Variants in SRL observed in about 807,000 individuals in gnomAD.
SRL encodes the protein sarcalumenin.
A neutral mutation model predicts 39.5 loss-of-function variants in SRL; 23 were observed. That is an observed-to-expected ratio of 0.58 (90% confidence interval 0.42 to 0.82). The LOEUF (loss-of-function observed/expected upper bound fraction) is 0.82, where lower values mean the gene tolerates loss of function less well. Ranked by LOEUF, SRL falls within the 40% of genes least tolerant of loss-of-function variation. The probability of loss-of-function intolerance (pLI) is 0.00; values close to 1 mark genes in which losing one functional copy is unlikely to be tolerated. For missense variants in SRL, 592 were observed against 607.8 expected, an observed-to-expected ratio of 0.97 and a Z score of 0.27; for synonymous variants, 272 against 237.4, an observed-to-expected ratio of 1.15 and a Z score of -1.34.
intron 2 of SRL, among the ~76,000 whole-genome samples, chr16:4,203,494 C>T (rs1189988988): frequency 6.6e-6 from 1 of 152,134 alleles, no homozygotes; most frequent in Non-Finnish European, 1.5e-5. Context: ...CCCAAAGCTT[C>T]CTGAACTGTT....
At chr16:4,195,463 G>A (rs1468423958) in intron 5 of SRL, 90 bp downstream of exon 5, 1 of 1,284,148 alleles carries the variant, frequency 7.8e-7, no homozygotes, top group Non-Finnish European at 1.1e-6. Context: ...CTCCCAAAGA[G>A]TTGGGATCAC....
intron 1 of SRL, among the ~76,000 whole-genome samples, chr16:4,212,015 C>T (rs2052399880): frequency 6.6e-6 from 1 of 152,306 alleles, no homozygotes; most frequent in South Asian, 2.1e-4. Flanking sequence ...GAGAGGGCCA[C>T]ACAGTCCCAA....
In SRL at chr16:4,206,743, G is replaced by GTT. The variant is rs1300273062; in HGVS notation, c.62-2110_62-2109insAA. The GTT allele has an allele frequency of 1.2e-5, 5 of 411,820 alleles. No individual in the cohort carries two copies. The Admixed American group carries it at 1.3e-4, about 10-fold the overall frequency. 25.5% of individuals were successfully genotyped at this position (411,820 alleles called of 1,614,324 possible). On this transcript the variant is annotated intron_variant, in intron 1 of 5. Coordinates refer to ENST00000399609, the MANE Select transcript of SRL (RefSeq NM_001098814.2). The stretch of plus-strand genomic sequence containing the variant: ...AATTCCTACCCTGGGCAACAATGAT[G>GTT]GGACTCTCCCTCCCCCTGATGTCCC...
intron 1 of SRL, chr16:4,239,876 G>A (rs2052754176): frequency 6.6e-6 from 1 of 152,384 alleles, no homozygotes; most frequent in Non-Finnish European, 1.5e-5. Flanking sequence ...GACTCCCAAA[G>A]AGGAGGGCCC....
chr16:4,203,132 AATCTCAAGCCCTACCTGTT>A lies in SRL; in HGVS notation c.259+15_259+33del, dbSNP rs569586360. On this transcript the variant is annotated intron_variant, in intron 3 of 5. Coordinates refer to ENST00000399609, the MANE Select transcript of SRL (RefSeq NM_001098814.2). ...GCCGACAGGCCTGCGCCGTACCCGT[AATCTCAAGCCCTACCTGTT>A]ATCTCAAGCCCTACCTGTGATCTCA... 1,733 of 1,593,774 alleles carry A rather than the reference AATCTCAAGCCCTACCTGTT, an allele frequency of 1.1e-3. 14 individuals are homozygous for A. The African/African-American group carries it at 0.019, about 17-fold the overall frequency.
In SRL at chr16:4,210,281, T is replaced by C. The variant is rs1341836137; in HGVS notation, c.62-5647A>G. ...CCTTCCACCCCTGCAGAAAAATCTA[T>C]GGTGGGAATTTGGTTTAATCAGAAG... is the stretch of plus-strand genomic sequence containing the variant. On this transcript the variant is annotated intron_variant, in intron 1 of 5. Coordinates refer to ENST00000399609, the MANE Select transcript of SRL (RefSeq NM_001098814.2). Among the ~76,000 whole-genome samples, 4 of 152,120 alleles carry C rather than the reference T, an allele frequency of 2.6e-5. No homozygotes were observed. In the East Asian group the frequency reaches 7.7e-4, roughly 29 times the overall value.
intron 1 of SRL, among the ~76,000 whole-genome samples, chr16:4,205,058 C>G (rs1040406314): frequency 1.3e-5 from 2 of 152,126 alleles, no homozygotes; most frequent in Non-Finnish European, 2.9e-5. Context: ...TGCAGTGGCT[C>G]ACACCTGTAA....
At chr16:4,236,919 T>C (rs1257005236) in intron 1 of SRL, among the ~76,000 whole-genome samples, 1 of 151,570 alleles carries the variant, frequency 6.6e-6, no homozygotes, top group African/African-American at 2.4e-5. Context: ...GAATTACAGG[T>C]GTAAGCCACT....
At chr16:4,231,527 G>A (rs369708382) in intron 1 of SRL, among the ~76,000 whole-genome samples, 5 of 152,146 alleles carry the variant, frequency 3.3e-5, no homozygotes, top group East Asian at 3.9e-4. Flanking sequence ...AACCCAGCTC[G>A]AGCCCCCCTT....
At chr16:4,227,554 G>T (rs2052607443) in intron 1 of SRL, among the ~76,000 whole-genome samples, 1 of 152,112 alleles carries the variant, frequency 6.6e-6, no homozygotes, top group South Asian at 2.1e-4. Flanking sequence ...TGGATGGGTG[G>T]ATGGATGGAT....
At chr16:4,206,652 C>T (rs2052322218) in intron 1 of SRL, 1 of 456,274 alleles carries the variant, frequency 2.2e-6, no homozygotes, top group African/African-American at 2.0e-5. Flanking sequence ...CCCTGCCTGT[C>T]CCCTACACAC....
chr16:4,234,483 C>T (rs1406722756), intron 1 of SRL, among the ~76,000 whole-genome samples: 3 of 152,188 alleles, frequency 2.0e-5, no homozygotes, highest in Admixed American at 1.3e-4. Context: ...GGGACCTTGA[C>T]TCCGAGTAAA....
Position 4,204,612 on chromosome 16 carries a change from T to G in SRL, c.84A>C (p.Glu28Asp). The G allele has an allele frequency of 1.9e-6, 3 of 1,614,178 alleles. No individual in the cohort carries two copies. The highest frequency in any genetic ancestry group is 8.5e-7 in the Non-Finnish European group (1 of 1,180,022). ...GQAEETEDAN[E>D]EAPLRDRSHI... Reference sequence around the variant, plus strand: ...GGGAGCGGTCCCTCAATGGGGCTTCTTCATTTGCATCCTCCGTCTCTTCTG... The same window carrying G: ...GGGAGCGGTCCCTCAATGGGGCTTCGTCATTTGCATCCTCCGTCTCTTCTG... The change falls in exon 2 of 6, where the codon GAA becomes GAC. Residue 28 changes from glutamate to aspartate, a missense_variant. Physicochemically the swap from Glu to Asp is conservative, Grantham distance 45. Coordinates refer to ENST00000399609, the MANE Select transcript of SRL (RefSeq NM_001098814.2).
At chr16:4,217,371 C>T (rs1052968865) in intron 1 of SRL, among the ~76,000 whole-genome samples, 7 of 152,198 alleles carry the variant, frequency 4.6e-5, no homozygotes, top group African/African-American at 1.7e-4. Flanking sequence ...CACACTTCAG[C>T]CTCCAGAGTA....
chr16:4,234,919 TC>T (rs1255588657), intron 1 of SRL, among the ~76,000 whole-genome samples: 1 of 152,206 alleles, frequency 6.6e-6, no homozygotes, highest in Admixed American at 6.5e-5. Flanking sequence ...AATGGGAAAT[TC>T]CATCTTAGAG....
At chr16:4,198,074 G>A (rs922695682) in intron 3 of SRL, among the ~76,000 whole-genome samples, 159 bp from the exon 4 acceptor site, 1 of 152,190 alleles carries the variant, frequency 6.6e-6, no homozygotes, top group Non-Finnish European at 1.5e-5. Context: ...CTCTTGCTAC[G>A]TAAGTGTGAT....
At chr16:4,199,727 T>C (rs1276904124) in intron 3 of SRL, among the ~76,000 whole-genome samples, 2 of 146,098 alleles carry the variant, frequency 1.4e-5, no homozygotes, top group African/African-American at 2.6e-5. Flanking sequence ...GACAGAGTCT[T>C]GCTCTGTTCC....
In SRL at chr16:4,192,707, C is replaced by T. The variant is rs369882195; in HGVS notation, c.868G>A (p.Val290Ile). The change falls in exon 6 of 6, where the codon GTC (valine) becomes ATC (isoleucine). Residue 290 changes from valine (V) to isoleucine (I), a missense_variant. Val to Ile is a conservative substitution (Grantham distance 29). Coordinates refer to ENST00000399609, the MANE Select transcript of SRL (RefSeq NM_001098814.2). This position sits in a 1 kb window ranked among gnomAD's most constrained non-coding sequence, Gnocchi z 4.0. Reference sequence around the variant, plus strand: ...TACTCTTGTGGCCAGAAGGAGCTGACGTAAACCCTTGGGGGCTCTGTGACA... The same window carrying T: ...TACTCTTGTGGCCAGAAGGAGCTGATGTAAACCCTTGGGGGCTCTGTGACA... ...INVTEPPRVY[V>I]SSFWPQEYKP... The T allele has an allele frequency of 9.3e-6, 15 of 1,614,006 alleles. No homozygotes were observed. Among genetic ancestry groups the T allele is most frequent in the African/African-American group, 2.7e-5 (2 of 74,902 alleles).
At chr16:4,233,894 G>A (rs2052685578) in intron 1 of SRL, among the ~76,000 whole-genome samples, 1 of 152,006 alleles carries the variant, frequency 6.6e-6, no homozygotes, top group Admixed American at 6.5e-5. Flanking sequence ...CCAGCCTAAA[G>A]GGGGACTCCC....
Sources: allele counts gnomAD v4.1 joint callset (sites outside exome capture counted in the v4.1 genomes callset), GRCh38; gene constraint gnomAD v4.1.1; non-coding constraint Gnocchi (gnomAD v3.1); transcripts MANE v1.5; gene names NCBI Gene and HGNC (gene_info 2026-07-23, HGNC 2026-07-21).